The following CELF2 variants were observed in gnomAD, a reference collection of about 807,000 sequenced individuals.
CELF2 encodes CUG triplet repeat RNA-binding protein 2.
CELF2 carries 8 observed loss-of-function variants against 62.6 expected under a neutral mutation model. The ratio of observed to expected loss-of-function variants is 0.13; its 90% CI spans 0.07 to 0.23. CELF2 has a LOEUF of 0.23. Among genes scored for constraint, CELF2 ranks in the 10% least tolerant of loss-of-function variants. The pLI, the probability that CELF2 is intolerant of heterozygous loss-of-function variation, is 1.00. For synonymous variants in CELF2, 258 were observed against 250.0 expected (o/e 1.03, Z -0.30); for missense variants, 333 against 671.0 (o/e 0.50, Z 5.56).
At chr10:11,006,196 C>T (rs891541719) in intron 1 of CELF2, among the ~76,000 whole-genome samples, 2 of 152,096 alleles carry the variant, frequency 1.3e-5, no homozygotes, top group African/African-American at 4.8e-5. Context: ...ACAATGGGAC[C>T]GGTTGAACAA....
chr10:10,588,850 T>C, the CELF2 span, among the ~76,000 whole-genome samples: 1 of 152,222 alleles, frequency 6.6e-6, no homozygotes, highest in African/African-American at 2.4e-5. Context: ...TGGATGCCAG[T>C]ATTCACAGAG....
chr10:10,688,113 T>C, the CELF2 span, among the ~76,000 whole-genome samples: 1 of 152,228 alleles, frequency 6.6e-6, no homozygotes, highest in Admixed American at 6.5e-5. Flanking sequence ...TTATAGTCAG[T>C]CTGGAGTTTT....
the CELF2 span, among the ~76,000 whole-genome samples, chr10:10,569,718 G>C: frequency 6.6e-6 from 1 of 152,198 alleles, no homozygotes; most frequent in Non-Finnish European, 1.5e-5. Flanking sequence ...GCAGTTTCCA[G>C]GTGGACTTCT....
chr10:10,617,921 C>A, the CELF2 span, among the ~76,000 whole-genome samples: 1 of 152,084 alleles, frequency 6.6e-6, no homozygotes, highest in Non-Finnish European at 1.5e-5. Context: ...TATGCTGGAA[C>A]CAGAAAGCAC....
chr10:10,844,199 A>T (rs1202576052), intron 1 of CELF2, among the ~76,000 whole-genome samples: 1 of 151,970 alleles, frequency 6.6e-6, no homozygotes, highest in African/African-American at 2.4e-5. Flanking sequence ...CCAATATATA[A>T]GAGTATACTT....
At chr10:11,189,034 CT>C (rs1431514518) in intron 2 of CELF2, among the ~76,000 whole-genome samples, 1 of 152,104 alleles carries the variant, frequency 6.6e-6, no homozygotes, top group Non-Finnish European at 1.5e-5. Context: ...CGATAAATAA[CT>C]TTTTTGAGTC....
chr10:10,547,690 A>AGTGTGT, the CELF2 span, among the ~76,000 whole-genome samples: 6 of 131,040 alleles, frequency 4.6e-5, no homozygotes, highest in African/African-American at 1.5e-4. Flanking sequence ...AGAGAGAGAG[A>AGTGTGT]GAGTGTGTGT....
the CELF2 span, among the ~76,000 whole-genome samples, chr10:10,511,102 C>A: frequency 6.6e-6 from 1 of 152,132 alleles, no homozygotes; most frequent in African/African-American, 2.4e-5. Context: ...TATATGATCT[C>A]TTTTACTTTA....
chr10:11,037,660 T>C (rs1009421938), intron 1 of CELF2, among the ~76,000 whole-genome samples: 2 of 152,214 alleles, frequency 1.3e-5, no homozygotes, highest in African/African-American at 4.8e-5. Context: ...TGTAATTTAC[T>C]AAAAGAACGG....
At chr10:11,288,859 G>A (rs2091976091) in intron 9 of CELF2, among the ~76,000 whole-genome samples, 1 of 152,226 alleles carries the variant, frequency 6.6e-6, no homozygotes, top group Non-Finnish European at 1.5e-5. Context: ...TTACCACTGT[G>A]AAGAGCCTCC....
At chr10:11,020,680 T>C (rs1257451962) in intron 1 of CELF2, among the ~76,000 whole-genome samples, 1 of 152,242 alleles carries the variant, frequency 6.6e-6, no homozygotes, top group Non-Finnish European at 1.5e-5. Flanking sequence ...ATATTTTCAA[T>C]GGCGTTTTCC....
intron 9 of CELF2, among the ~76,000 whole-genome samples, chr10:11,303,562 C>T (rs893162121): frequency 6.6e-6 from 1 of 152,220 alleles, no homozygotes; most frequent in South Asian, 2.1e-4. Context: ...ACATCAGTGC[C>T]GCCTTCTTGG....
the CELF2 span, among the ~76,000 whole-genome samples, chr10:10,533,688 A>G: frequency 6.6e-6 from 1 of 152,232 alleles, no homozygotes; most frequent in African/African-American, 2.4e-5. Flanking sequence ...GGAAGAAAGA[A>G]TCAGAGAAAA....
At chr10:10,750,258 G>A in the CELF2 span, among the ~76,000 whole-genome samples, 1 of 151,354 alleles carries the variant, frequency 6.6e-6, no homozygotes. Context: ...CTCCAGCCTG[G>A]CGACGGAGTG....
At chr10:10,886,828 C>T (rs572915332) in intron 1 of CELF2, among the ~76,000 whole-genome samples, 2 of 152,204 alleles carry the variant, frequency 1.3e-5, no homozygotes, top group South Asian at 4.2e-4. Context: ...AGAGTGAGAC[C>T]CTGTCTCAGA....
rs1379747608 is a variant in CELF2, at chr10:11,321,295, A to G, written c.1203A>G (p.Ser401=). 6.2e-7 allele frequency: 1 copy of G among 1,613,844 alleles called. No homozygotes were observed. The highest frequency in any genetic ancestry group is 1.3e-5 in the African/African-American group (1 of 74,906). The change falls in exon 11 of 13, where the codon TCA becomes TCG. Residue 401 remains serine (S), a synonymous_variant. Transcript: ENST00000633077. The surrounding 1 kb of genome is among the most constrained non-coding windows in gnomAD (Gnocchi z 6.2). Reference sequence around the variant, plus strand: ...TGGACGCCCTCACCCAGGCCTACTCAGGAATTCAACAGTACGCAGCCGCCG... The same window carrying G: ...TGGACGCCCTCACCCAGGCCTACTCGGGAATTCAACAGTACGCAGCCGCCG... ...GTMDALTQAY[S]GIQQYAAAAL...
the CELF2 span, among the ~76,000 whole-genome samples, chr10:10,688,770 C>G: frequency 1.3e-5 from 2 of 151,938 alleles, no homozygotes; most frequent in Admixed American, 6.6e-5. Context: ...CACTTAGAGA[C>G]AAGAGTGTCA....
the CELF2 span, among the ~76,000 whole-genome samples, chr10:10,751,968 A>T: frequency 3.9e-5 from 6 of 152,224 alleles, no homozygotes; most frequent in Non-Finnish European, 7.3e-5. Context: ...CATGAAATCA[A>T]ATATTCTTGC....
the CELF2 span, among the ~76,000 whole-genome samples, chr10:10,673,188 T>C: frequency 6.6e-6 from 1 of 152,160 alleles, no homozygotes. Context: ...GTTCTGTTTT[T>C]GTTAATTTTT....
Sources: allele counts gnomAD v4.1 joint callset (sites outside exome capture counted in the v4.1 genomes callset), GRCh38; gene constraint gnomAD v4.1.1; non-coding constraint Gnocchi (gnomAD v3.1); transcripts MANE v1.5; gene names NCBI Gene and HGNC (gene_info 2026-07-23, HGNC 2026-07-21).